HTR2C: variants seen among roughly 807,000 people sequenced by gnomAD.
HTR2C encodes 5-hydroxytryptamine (serotonin) receptor 2C, G protein-coupled.
Under a neutral mutation model 21.0 loss-of-function variants are expected in HTR2C, and 5 were observed. That is an observed-to-expected ratio of 0.24 (90% CI 0.12 to 0.50). HTR2C has a LOEUF of 0.50. Among genes scored for constraint, HTR2C ranks in the 20% least tolerant of loss-of-function variants. The pLI, the probability that HTR2C is intolerant of heterozygous loss-of-function variation, is 0.98. For synonymous variants in HTR2C, 150 were observed against 145.3 expected, an observed-to-expected ratio of 1.03 and a Z score of -0.23; for missense variants, 271 against 371.2, an observed-to-expected ratio of 0.73 and a Z score of 2.22.
At chrX:114,741,613 TAAA>T (rs781999515) in intron 4 of HTR2C, among the ~76,000 whole-genome samples, 1 of 70,291 alleles carries the variant, frequency 1.4e-5, no homozygotes, top group Non-Finnish European at 2.6e-5. Context: ...ATGGAAACAT[TAAA>T]AAAAAAAAAA....
chrX:114,604,666 G>A (rs1468714941), intron 1 of HTR2C, among the ~76,000 whole-genome samples: 5 of 111,053 alleles, frequency 4.5e-5, no homozygotes, highest in African/African-American at 9.8e-5. Context: ...TAAACAGTCC[G>A]ATTTTCAGTG....
chrX:114,793,491 A>G (rs1381187220), intron 4 of HTR2C, among the ~76,000 whole-genome samples: 2 of 103,681 alleles, frequency 1.9e-5, no homozygotes, highest in Non-Finnish European at 3.8e-5. Context: ...ATAGTCTTCA[A>G]ATAGTTTTCA....
At chrX:114,723,395 T>G in intron 2 of HTR2C, among the ~76,000 whole-genome samples, 1 of 111,728 alleles carries the variant, frequency 9.0e-6, no homozygotes, top group Non-Finnish European at 1.9e-5. Context: ...GTCTATTTGA[T>G]TCTTCTCTCT....
At chrX:114,825,957 A>G (rs1186742920) in intron 4 of HTR2C, among the ~76,000 whole-genome samples, 1 of 111,975 alleles carries the variant, frequency 8.9e-6, no homozygotes, top group African/African-American at 3.2e-5. Context: ...TGTTATTAAT[A>G]TAAAAATTCT....
chrX:114,839,349 C>T (rs782291428), intron 4 of HTR2C, among the ~76,000 whole-genome samples: 16 of 112,018 alleles, frequency 1.4e-4, no homozygotes, highest in African/African-American at 4.9e-4. Context: ...GAGGAAGATG[C>T]AATTTCTGCC....
intron 2 of HTR2C, among the ~76,000 whole-genome samples, chrX:114,723,085 G>A (rs1441855674): frequency 2.7e-5 from 3 of 111,184 alleles, no homozygotes; most frequent in Non-Finnish European, 5.7e-5. Flanking sequence ...GTTTCAGAAG[G>A]AATGGTACCA....
At chrX:114,881,528 A>G (rs1391181579) in intron 5 of HTR2C, among the ~76,000 whole-genome samples, 1 of 108,141 alleles carries the variant, frequency 9.2e-6, no homozygotes, top group Non-Finnish European at 1.9e-5. Context: ...ATGGTGCAAG[A>G]TAAGGGTATG....
chrX:114,797,612 G>T (rs1556445620), intron 4 of HTR2C, among the ~76,000 whole-genome samples: 1 of 111,646 alleles, frequency 9.0e-6, no homozygotes, highest in Non-Finnish European at 1.9e-5. Context: ...TGCAATCAGG[G>T]TTAAATAGGG....
intron 2 of HTR2C, among the ~76,000 whole-genome samples, chrX:114,638,824 T>C (rs1336730614): frequency 9.4e-6 from 1 of 106,815 alleles, no homozygotes; most frequent in African/African-American, 3.4e-5. Flanking sequence ...TGATTTCCAA[T>C]TTCATCCATG....
chrX:114,880,785 C>G (rs782648697), intron 5 of HTR2C, among the ~76,000 whole-genome samples: 1 of 111,706 alleles, frequency 9.0e-6, no homozygotes, highest in East Asian at 2.8e-4. Context: ...TGAATGAATA[C>G]TCTGTTGTAA....
intron 1 of HTR2C, among the ~76,000 whole-genome samples, chrX:114,606,169 A>C (rs1414373996): frequency 9.0e-6 from 1 of 110,699 alleles, no homozygotes; most frequent in Non-Finnish European, 1.9e-5. Flanking sequence ...CTTGCCACTA[A>C]GGGTGAAGGA....
rs200416814 is a variant in HTR2C, at chrX:114,678,270, GACACACACAC to G, written c.-79-48563_-79-48554del. 3.2e-3 allele frequency among the ~76,000 whole-genome samples: 316 copies of G among 100,226 alleles called. 1 individual carries two copies. Among genetic ancestry groups the G allele is most frequent in the African/African-American group, 8.3e-3 (226 of 27,193 alleles). 87.0% of individuals were successfully genotyped at this position (100,226 alleles called of 115,157 possible). ...GGTGTTTCTCTTTCCCTCTCTGTCT[GACACACACAC>G]ACACACACACACACACACACACACG... On this transcript the variant is annotated intron_variant, in intron 2 of 5. Transcript: ENST00000276198.
intron 1 of HTR2C, among the ~76,000 whole-genome samples, chrX:114,604,863 C>CA (rs2147797912): frequency 9.0e-6 from 1 of 111,253 alleles, no homozygotes; most frequent in Non-Finnish European, 1.9e-5. Flanking sequence ...GGGTTTGTCT[C>CA]AGAGTGGAGG....
At chrX:114,604,173 G>C (rs1052960993) in intron 1 of HTR2C, among the ~76,000 whole-genome samples, 1 of 109,031 alleles carries the variant, frequency 9.2e-6, no homozygotes, top group Admixed American at 9.8e-5. Context: ...AGAGGAGGAC[G>C]CAAAGGAGGC....
Position 114,906,806 on chromosome X carries a change from G to T in HTR2C, c.768G>T (p.Pro256=), listed in dbSNP as rs1187115625. 34 of 1,208,495 alleles carry T rather than the reference G, an allele frequency of 2.8e-5. No homozygotes were observed. The highest frequency in any genetic ancestry group is 3.6e-5 in the Non-Finnish European group (32 of 894,735). ...LMLLHGHTEE[P]PGLSLDFLKC... ...TACTGCACGGCCACACCGAGGAACCGCCTGGACTAAGTCTGGATTTCCTGA... is the reference window on the plus strand; with the variant it reads ...TACTGCACGGCCACACCGAGGAACCTCCTGGACTAAGTCTGGATTTCCTGA... Residue 256 remains proline (P), a synonymous_variant, in exon 6 of 6, where the codon CCG becomes CCT. Transcript: ENST00000276198.
intron 2 of HTR2C, among the ~76,000 whole-genome samples, chrX:114,721,883 G>C (rs1319324494): frequency 2.8e-4 from 30 of 106,504 alleles, no homozygotes; most frequent in Non-Finnish European, 4.7e-4. Flanking sequence ...CTATATCTCT[G>C]TTTTGGTACC....
intron 2 of HTR2C, among the ~76,000 whole-genome samples, chrX:114,669,166 T>A (rs1367590176): frequency 1.8e-5 from 2 of 111,147 alleles, no homozygotes; most frequent in East Asian, 5.6e-4. Context: ...GGTTCTTTTC[T>A]AAAGTTCATG....
At chrX:114,638,250 G>C (rs1419809808) in intron 2 of HTR2C, among the ~76,000 whole-genome samples, 1 of 111,452 alleles carries the variant, frequency 9.0e-6, no homozygotes, top group African/African-American at 3.3e-5. Flanking sequence ...AAAATAGCCC[G>C]AGAGTTCAAT....
intron 2 of HTR2C, among the ~76,000 whole-genome samples, chrX:114,649,174 A>T (rs185157261): frequency 1.6e-3 from 175 of 112,143 alleles, no homozygotes; most frequent in African/African-American, 5.4e-3. Flanking sequence ...CTAAATCTAT[A>T]GTGTCTAATA....
Sources: allele counts gnomAD v4.1 joint callset (sites outside exome capture counted in the v4.1 genomes callset), GRCh38; gene constraint gnomAD v4.1.1; transcripts MANE v1.5; gene names NCBI Gene and HGNC (gene_info 2026-07-23, HGNC 2026-07-21).